C6: variants seen among roughly 807,000 people sequenced by gnomAD.
C6 encodes the protein complement component C6.
A neutral mutation model predicts 112.9 loss-of-function variants in C6; 101 were observed. That is an observed-to-expected ratio of 0.89 (90% confidence interval 0.76 to 1.06). C6 has a LOEUF of 1.06. Ranked by LOEUF, C6 falls within the 50% of genes least tolerant of loss-of-function variation. The pLI is 0.00. For missense variants in C6, 1,202 were observed against 1,104.6 expected (o/e 1.09, Z -1.25); for synonymous variants, 431 against 384.1 (o/e 1.12, Z -1.43).
chr5:41,178,004 A>G (rs115314659), intron 7 of C6, among the ~76,000 whole-genome samples: 62 of 152,324 alleles, frequency 4.1e-4, no homozygotes, highest in African/African-American at 1.5e-3. Context: ...GGAAGGTTCA[A>G]TATTTCCAGG....
chr5:41,176,352 A>T, intron 8 of C6, 123 bp downstream of exon 8: 1 of 1,001,892 alleles, frequency 1.0e-6, no homozygotes, highest in South Asian at 1.7e-5. Context: ...TCTTCATATC[A>T]TTTTGGAAAT....
chr5:41,226,521 T>C (rs921647678), intron 1 of C6, among the ~76,000 whole-genome samples: 10 of 152,102 alleles, frequency 6.6e-5, no homozygotes, highest in Admixed American at 6.6e-4. Flanking sequence ...TTAACTATAG[T>C]CTCCATGCTA....
intron 1 of C6, among the ~76,000 whole-genome samples, chr5:41,206,991 C>A (rs1255562669): frequency 6.6e-6 from 1 of 152,088 alleles, no homozygotes; most frequent in Non-Finnish European, 1.5e-5. Context: ...GTCGGGTTAC[C>A]CACAAAGGGA....
chr5:41,172,220 G>A lies in C6; in HGVS notation c.1291+5C>T. On this transcript the variant is annotated splice_donor_5th_base_variant and intron_variant, in intron 9 of 17. Transcript: ENST00000337836. ...GGATAAGCTGCTAAGAGAGAGTACT[G>A]TTACCTTCATGTTTCTCTGACAGCT... 1 of 1,613,712 alleles carries A rather than the reference G, an allele frequency of 6.2e-7. No homozygotes were observed. The highest frequency in any genetic ancestry group is 8.5e-7 in the Non-Finnish European group (1 of 1,179,712).
chr5:41,142,840 T>A lies in C6; in HGVS notation c.2790A>T (p.Gly930=). Residue 930 remains glycine, a synonymous_variant, in exon 18 of 18, where the codon GGA becomes GGT. Coordinates refer to ENST00000337836, the MANE Select transcript of C6 (RefSeq NM_000065.5). ...AGTAATTGTGCTAGGCCAAACACTTTCCAGGATGCAGTATTTCCATCTTCC... is the reference window on the plus strand; with the variant it reads ...AGTAATTGTGCTAGGCCAAACACTTACCAGGATGCAGTATTTCCATCTTCC... The part of the protein sequence containing the change: ...ANRKMEILHP[G]KCLA 6.2e-7 allele frequency: 1 copy of A among 1,613,174 alleles called. No homozygotes were observed. The highest frequency in any genetic ancestry group is 8.5e-7 in the Non-Finnish European group (1 of 1,179,286).
In C6 at chr5:41,149,416, A is replaced by G. The variant is rs750374341; in HGVS notation, c.2448T>C (p.Cys816=). 3.1e-6 allele frequency: 5 copies of G among 1,614,120 alleles called. No individual in the cohort carries two copies. In the South Asian group the frequency reaches 4.4e-5, roughly 14 times the overall value. The change falls in exon 17 of 18, where the codon TGT becomes TGC. Residue 816 remains cysteine, a synonymous_variant. Coordinates refer to ENST00000337836, the MANE Select transcript of C6 (RefSeq NM_000065.5). The stretch of plus-strand genomic sequence containing the variant: ...TTAAACATTTCTCAGCCAAAAACTT[A>G]CAAGCGGGTGAAGTAAAGTAATCGT... ...DSNDYFTSPA[C]KFLAEKCLNN... is the part of the protein sequence containing the mutation.
rs866027560 is a variant in C6 at position 41,174,663 on chromosome 5, A to C, written c.1168+1812T>G. ...GAAATAAATCAATGCATGCAAATAA[A>C]AGGCAATTTAATTTTGTTTTCTTTT... On this transcript the variant is annotated intron_variant, in intron 8 of 17. Coordinates refer to ENST00000337836, the MANE Select transcript of C6 (RefSeq NM_000065.5). Among the ~76,000 whole-genome samples, 28 of 152,214 alleles carry C rather than the reference A, an allele frequency of 1.8e-4. 1 individual carries two copies. The highest frequency in any genetic ancestry group is 1.9e-4 in the Non-Finnish European group (13 of 68,046).
intron 15 of C6, 131 bp from the exon 16 acceptor site, chr5:41,150,156 T>C: frequency 1.4e-6 from 1 of 695,718 alleles, no homozygotes; most frequent in Non-Finnish European, 2.6e-6. Flanking sequence ...TCATTTTGGC[T>C]TCTCTAAATA....
chr5:41,242,025 T>C lies in C6; in HGVS notation c.-21+19169A>G, dbSNP rs1272047613. On this transcript the variant is annotated intron_variant, in intron 1 of 17. Transcript: ENST00000263413. ...GTTTGAGCTCATTATATAGTTACCT[T>C]GAATAATATTAATTGAAAAGTTTAA... Among the ~76,000 whole-genome samples the C allele has an allele frequency of 6.6e-5, 10 of 152,282 alleles. No individual in the cohort carries two copies. In the East Asian group the frequency reaches 1.9e-3, roughly 29 times the overall value.
intron 1 of C6, among the ~76,000 whole-genome samples, chr5:41,204,179 T>A (rs1271201336): frequency 6.6e-6 from 1 of 152,242 alleles, no homozygotes; most frequent in Non-Finnish European, 1.5e-5. Flanking sequence ...ACTTTTACTT[T>A]AAAAAGTTAA....
chr5:41,187,060 T>C (rs1282618911), intron 5 of C6, among the ~76,000 whole-genome samples: 3 of 152,198 alleles, frequency 2.0e-5, no homozygotes, highest in African/African-American at 7.2e-5. Flanking sequence ...CTACAGGTCA[T>C]GTCACAGCCT....
intron 14 of C6, among the ~76,000 whole-genome samples, chr5:41,154,733 A>G (rs1401081378): frequency 1.3e-5 from 2 of 152,210 alleles, no homozygotes; most frequent in Non-Finnish European, 2.9e-5. Context: ...TGCATACTTC[A>G]CAGTCCTATG....
chr5:41,146,038 C>CA (rs1333338043), intron 17 of C6, among the ~76,000 whole-genome samples: 1 of 152,198 alleles, frequency 6.6e-6, no homozygotes, highest in East Asian at 1.9e-4. Flanking sequence ...GCTCTTATCA[C>CA]ATCCTGACTT....
intron 5 of C6, 46 bp downstream of exon 5, chr5:41,195,746 G>T (rs964238596): frequency 1.3e-6 from 2 of 1,598,490 alleles, no homozygotes; most frequent in African/African-American, 2.7e-5. Context: ...TGACTCATTT[G>T]TTCTGATACC....
rs749245628 is a variant in C6 at position 41,203,093 on chromosome 5, T to C, written c.138A>G (p.Arg46=). Residue 46 remains arginine, a synonymous_variant, in exon 2 of 18, where the codon AGA becomes AGG. Coordinates refer to ENST00000337836, the MANE Select transcript of C6 (RefSeq NM_000065.5). ...SKTCNSGTQS[R]HRQIVVDKYY... is the part of the protein sequence containing the mutation. ...GCCACAAAGCTCACACCCACCTGTG[T>C]CTGCTCTGGGTTCCAGAATTGCAAG... is the stretch of plus-strand genomic sequence containing the variant. The C allele has an allele frequency of 6.2e-7, 1 of 1,613,886 alleles. No homozygotes were observed. Among genetic ancestry groups the C allele is most frequent in the African/African-American group, 1.3e-5 (1 of 74,924 alleles).
chr5:41,252,385 A>G (rs1463601815), intron 1 of C6, among the ~76,000 whole-genome samples: 1 of 152,140 alleles, frequency 6.6e-6, no homozygotes, highest in East Asian at 1.9e-4. Context: ...GTTATGCCTC[A>G]TTATACCCCT....
At chr5:41,189,269 C>T (rs1393727525) in intron 5 of C6, among the ~76,000 whole-genome samples, 2 of 151,928 alleles carry the variant, frequency 1.3e-5, no homozygotes, top group Non-Finnish European at 1.5e-5. Flanking sequence ...CAATTCCATT[C>T]CTAAGTATAT....
chr5:41,229,612 G>A (rs1739759090), intron 1 of C6, among the ~76,000 whole-genome samples: 1 of 152,050 alleles, frequency 6.6e-6, no homozygotes, highest in South Asian at 2.1e-4. Context: ...TCTATTCTCA[G>A]TAACGTTCAG....
At position 41,189,603 on chromosome 5, in the gene C6, C is replaced by T. The variant is rs193274092; in HGVS notation, c.588-3395G>A. 1.7e-3 allele frequency among the ~76,000 whole-genome samples: 263 copies of T among 151,906 alleles called. 1 individual carries two copies. Among genetic ancestry groups the T allele is most frequent in the African/African-American group, 6.1e-3 (252 of 41,484 alleles). ...ATCAGGGTAATTAGCATATTCATCA[C>T]CTCAAACATGTTGGGAATATTCAAA... is the stretch of plus-strand genomic sequence containing the variant. On this transcript the variant is annotated intron_variant, in intron 5 of 17. Coordinates refer to ENST00000337836, the MANE Select transcript of C6 (RefSeq NM_000065.5).
Sources: gnomAD v4.1 joint callset for allele counts (sites outside exome capture counted in the v4.1 genomes callset) on GRCh38, gnomAD v4.1.1 for gene constraint, MANE v1.5 for transcripts, NCBI Gene and HGNC (gene_info 2026-07-23, HGNC 2026-07-21) for gene names.